The following CC2D2A variants were observed in gnomAD, a reference collection of about 807,000 sequenced individuals.
CC2D2A encodes coiled-coil and C2 domain containing 2A.
A neutral mutation model predicts 212.9 loss-of-function variants in CC2D2A; 155 were observed. That is an observed-to-expected ratio of 0.73 (90% confidence interval 0.64 to 0.83). The LOEUF (loss-of-function observed/expected upper bound fraction) is 0.83. CC2D2A is among the 40% of genes least tolerant of loss of function. The pLI is 0.00. For missense variants in CC2D2A, 1,856 were observed against 1,956.2 expected (o/e 0.95, Z 0.97); for synonymous variants, 667 against 686.5 (o/e 0.97, Z 0.44).
At chr4:15,533,532 G>T (rs1477877744) in intron 14 of CC2D2A, 199 bp downstream of exon 14, 6 of 409,966 alleles carry the variant, frequency 1.5e-5, no homozygotes, top group Non-Finnish European at 2.2e-5. Context: ...CAACTACCTA[G>T]ACTTTTGTGA....
chr4:15,471,527 A>G (rs754814058), intron 1 of CC2D2A, among the ~76,000 whole-genome samples: 1 of 151,978 alleles, frequency 6.6e-6, no homozygotes, highest in Non-Finnish European at 1.5e-5. Context: ...CAATATTGAG[A>G]GCCCAGCCTG....
intron 14 of CC2D2A, among the ~76,000 whole-genome samples, chr4:15,534,711 A>C (rs574113169): frequency 1.1e-4 from 17 of 152,324 alleles, no homozygotes; most frequent in African/African-American, 1.4e-4. Flanking sequence ...TTACAGCCAA[A>C]GATAGCTACA....
chr4:15,597,515 T>C (rs937878937), intron 35 of CC2D2A, 50 bp downstream of exon 35: 3 of 1,407,444 alleles, frequency 2.1e-6, no homozygotes, highest in African/African-American at 2.9e-5. Context: ...AGGAGTATAA[T>C]ACCAAACTTT....
At chr4:15,494,928 C>T (rs1715527811) in intron 4 of CC2D2A, among the ~76,000 whole-genome samples, 1 of 152,066 alleles carries the variant, frequency 6.6e-6, no homozygotes, top group Non-Finnish European at 1.5e-5. Context: ...GTCTTTCCAA[C>T]TTTTAGGTTC....
chr4:15,498,289 T>C (rs573774802), intron 4 of CC2D2A, among the ~76,000 whole-genome samples: 14 of 152,338 alleles, frequency 9.2e-5, no homozygotes, highest in African/African-American at 3.4e-4. Flanking sequence ...ATTGACATTA[T>C]GTATATATTT....
At chr4:15,545,554 A>T (rs1288199186) in intron 17 of CC2D2A, among the ~76,000 whole-genome samples, 1 of 151,908 alleles carries the variant, frequency 6.6e-6, no homozygotes, top group Non-Finnish European at 1.5e-5. Flanking sequence ...GTAGACTGTG[A>T]TGTTTGATTT....
At position 15,502,820 on chromosome 4, in the gene CC2D2A, A is replaced by C. The variant is rs1323514351; in HGVS notation, c.337-2A>C. ...GCAGTAAATTTCTGTTTGACTTTTTAGTCCAAAGCAGAAAGTGCATTGCTG... is the reference window on the plus strand; with the variant it reads ...GCAGTAAATTTCTGTTTGACTTTTTCGTCCAAAGCAGAAAGTGCATTGCTG... On this transcript the variant is annotated splice_acceptor_variant, in intron 5 of 36. Transcript: ENST00000424120. LOFTEE classifies it high-confidence loss of function. 1.2e-6 allele frequency: 2 copies of C among 1,606,410 alleles called. No homozygotes were observed. Among genetic ancestry groups the C allele is most frequent in the Non-Finnish European group, 1.7e-6 (2 of 1,176,386 alleles).
intron 14 of CC2D2A, 109 bp downstream of exon 14, chr4:15,533,442 C>T (rs573515534): frequency 4.0e-6 from 3 of 757,246 alleles, no homozygotes; most frequent in African/African-American, 1.8e-5. Flanking sequence ...TGCATGTAAC[C>T]ACTTCCCAGG....
chr4:15,511,263 C>T lies in CC2D2A; in HGVS notation c.557C>T (p.Pro186Leu). ...TTTCGTTAGGTTCCACCTGGCTTCC[C>T]TTCTGCAGAAGAGGCCTATAACTTC... The part of the protein sequence containing the change: ...KPKPQVPPGF[P>L]SAEEAYNFFT... The change falls in exon 8 of 37, where the codon CCT (proline) becomes CTT (leucine). Residue 186 changes from proline to leucine, a missense_variant. Physicochemically the swap from Pro to Leu is moderately conservative, Grantham distance 98 (BLOSUM62 -3). This residue lies in a region of CC2D2A where 1,512 missense variants were observed against 1,579.3 expected (regional missense o/e 0.96). Transcript: ENST00000424120. 1.3e-6 allele frequency: 2 copies of T among 1,599,020 alleles called. No individual in the cohort carries two copies. The highest frequency in any genetic ancestry group is 1.7e-6 in the Non-Finnish European group (2 of 1,174,220).
intron 6 of CC2D2A, among the ~76,000 whole-genome samples, chr4:15,506,639 C>T (rs1368073727): frequency 1.3e-5 from 2 of 152,140 alleles, no homozygotes; most frequent in Non-Finnish European, 2.9e-5. Flanking sequence ...ACAGGAAGTG[C>T]AGCAGACAGG....
chr4:15,497,198 C>T (rs1412495868), intron 4 of CC2D2A, among the ~76,000 whole-genome samples: 2 of 152,182 alleles, frequency 1.3e-5, no homozygotes, highest in Non-Finnish European at 2.9e-5. Flanking sequence ...CAGCATGGTA[C>T]AGGTACAAAA....
intron 29 of CC2D2A, among the ~76,000 whole-genome samples, chr4:15,576,119 T>C (rs994057140): frequency 6.6e-6 from 1 of 152,250 alleles, no homozygotes; most frequent in African/African-American, 2.4e-5. Flanking sequence ...ACTACCGCAC[T>C]GTGGCTGTAG....
intron 4 of CC2D2A, among the ~76,000 whole-genome samples, chr4:15,500,944 T>C (rs372860165): frequency 6.6e-6 from 1 of 152,162 alleles, no homozygotes; most frequent in Non-Finnish European, 1.5e-5. Context: ...CTCCCAGAGC[T>C]TGGTGTCCTG....
At chr4:15,571,417 G>A (rs1345295004) in intron 28 of CC2D2A, among the ~76,000 whole-genome samples, 2 of 152,126 alleles carry the variant, frequency 1.3e-5, no homozygotes, top group East Asian at 1.9e-4. Flanking sequence ...TGAAGTCCCA[G>A]TATTAAGTCT....
At chr4:15,578,879 T>TA (rs1207651292) in intron 29 of CC2D2A, among the ~76,000 whole-genome samples, 1 of 152,010 alleles carries the variant, frequency 6.6e-6, no homozygotes, top group Non-Finnish European at 1.5e-5. Context: ...TGAGCTCAGG[T>TA]GATCCTCTTG....
intron 4 of CC2D2A, 135 bp downstream of exon 4, chr4:15,480,962 T>C: frequency 1.9e-6 from 2 of 1,042,578 alleles, no homozygotes; most frequent in Non-Finnish European, 2.7e-6. Context: ...TTACCCCAAC[T>C]TGGTGAGTGA....
intron 23 of CC2D2A, among the ~76,000 whole-genome samples, chr4:15,561,895 C>T (rs1478455524): frequency 2.6e-5 from 4 of 152,206 alleles, no homozygotes; most frequent in Non-Finnish European, 4.4e-5. Flanking sequence ...GTTTGAACCC[C>T]TGCTCTCCCT....
At chr4:15,500,107 G>GTGTGTGTGTATGTA (rs1479141284) in intron 4 of CC2D2A, among the ~76,000 whole-genome samples, 2 of 112,932 alleles carry the variant, frequency 1.8e-5, no homozygotes, top group Non-Finnish European at 3.5e-5. Context: ...GTGTGTGTGT[G>GTGTGTGTGTATGTA]TATATATATA....
Position 15,600,903 on chromosome 4 carries a change from C to CAAAAA in CC2D2A, c.4675-320_4675-316dup, listed in dbSNP as rs5856308. On this transcript the variant is annotated intron_variant, in intron 36 of 36. Coordinates refer to ENST00000424120, the MANE Select transcript of CC2D2A (RefSeq NM_001378615.1). Reference sequence around the variant, plus strand: ...GCATGGACAACAGTCAGACCTGTCTCAAAAAAAAAAAAAAAAAAGAAAAAA... The same window carrying CAAAAA: ...GCATGGACAACAGTCAGACCTGTCTCAAAAAAAAAAAAAAAAAAAAAAAGAAAAAA... 8.6e-5 allele frequency among the ~76,000 whole-genome samples: 8 copies of CAAAAA among 92,996 alleles called. No homozygotes were observed. In the East Asian group the frequency reaches 1.6e-3, roughly 18 times the overall value. The allele number at this position is 92,996 out of a possible 152,430, so 61.0% of individuals were successfully genotyped here.
Sources: allele counts gnomAD v4.1 joint callset (sites outside exome capture counted in the v4.1 genomes callset), GRCh38; gene constraint gnomAD v4.1.1; regional missense constraint gnomAD v4.1.1; transcripts MANE v1.5; gene names NCBI Gene and HGNC (gene_info 2026-07-23, HGNC 2026-07-21).